Variants in NRG3 observed in about 807,000 individuals in gnomAD.
NRG3 encodes neuregulin 3, also known as pro-neuregulin-3, membrane-bound isoform.
Under a neutral mutation model 66.9 loss-of-function variants are expected in NRG3, and 31 were observed. The ratio of observed to expected loss-of-function variants is 0.46; its 90% CI spans 0.35 to 0.63. The LOEUF (loss-of-function observed/expected upper bound fraction) is 0.63, where lower values mean the gene tolerates loss of function less well. Ranked by LOEUF, NRG3 falls within the 20% of genes least tolerant of loss-of-function variation. NRG3 has a pLI of 0.00. For synonymous variants in NRG3, 393 were observed against 359.4 expected (o/e 1.09, Z -1.06); for missense variants, 910 against 878.9 (o/e 1.04, Z -0.45).
At chr10:81,976,112 A>T (rs2060116706) in intron 1 of NRG3, among the ~76,000 whole-genome samples, 2 of 152,218 alleles carry the variant, frequency 1.3e-5, no homozygotes, top group Admixed American at 1.3e-4. Flanking sequence ...TTAATTTACC[A>T]CTAAGTTTAT....
chr10:82,863,432 C>T (rs534126566), intron 3 of NRG3, among the ~76,000 whole-genome samples: 9 of 152,234 alleles, frequency 5.9e-5, no homozygotes, highest in African/African-American at 1.9e-4. Flanking sequence ...TGAGGAATCG[C>T]CACACTGCCT....
chr10:82,260,049 C>T (rs1235024346), intron 1 of NRG3, among the ~76,000 whole-genome samples: 2 of 152,180 alleles, frequency 1.3e-5, no homozygotes, highest in African/African-American at 4.8e-5. Context: ...TTTCTATTCC[C>T]TGTCCCACAA....
At chr10:82,504,318 T>C (rs143593761) in intron 2 of NRG3, among the ~76,000 whole-genome samples, 1,931 of 152,350 alleles carry the variant, frequency 0.013, 39 homozygotes, top group African/African-American at 0.044. Flanking sequence ...CACATTGTCA[T>C]GTATCACACT....
intron 1 of NRG3, among the ~76,000 whole-genome samples, chr10:82,240,729 A>G (rs1045895322): frequency 5.9e-5 from 9 of 152,180 alleles, no homozygotes; most frequent in African/African-American, 1.7e-4. Context: ...ATGGAATGGC[A>G]TTAGATCTTT....
At chr10:81,937,408 T>G (rs768144506) in intron 1 of NRG3, among the ~76,000 whole-genome samples, 4 of 152,152 alleles carry the variant, frequency 2.6e-5, no homozygotes, top group Non-Finnish European at 5.9e-5. Context: ...AGGGTTCCAA[T>G]TTCTCCACAT....
chr10:82,332,820 T>C (rs1017476359), intron 1 of NRG3, among the ~76,000 whole-genome samples: 4 of 152,144 alleles, frequency 2.6e-5, no homozygotes, highest in African/African-American at 4.8e-5. Flanking sequence ...ATACTTATGA[T>C]CCAAAATGAT....
intron 3 of NRG3, among the ~76,000 whole-genome samples, chr10:82,840,960 T>C (rs2063028062): frequency 6.6e-6 from 1 of 152,102 alleles, no homozygotes; most frequent in Non-Finnish European, 1.5e-5. Context: ...CGTAATGTAA[T>C]ATTACTTGAA....
At chr10:82,301,538 G>C (rs2080398829) in intron 1 of NRG3, among the ~76,000 whole-genome samples, 1 of 151,692 alleles carries the variant, frequency 6.6e-6, no homozygotes, top group South Asian at 2.1e-4. Flanking sequence ...ATCCTAGTAT[G>C]GTTTCTGTTT....
At chr10:82,735,149 T>TA (rs2058093416) in intron 2 of NRG3, among the ~76,000 whole-genome samples, 1 of 152,218 alleles carries the variant, frequency 6.6e-6, no homozygotes, top group Non-Finnish European at 1.5e-5. Flanking sequence ...GAGACTTTTT[T>TA]AAAAACAATT....
intron 2 of NRG3, among the ~76,000 whole-genome samples, chr10:82,369,819 A>G (rs187864778): frequency 1.4e-5 from 2 of 138,510 alleles, no homozygotes; most frequent in Admixed American, 1.4e-4. Flanking sequence ...TGTTATCCCC[A>G]CTTTGCAGAA....
intron 2 of NRG3, among the ~76,000 whole-genome samples, chr10:82,515,202 AAAAC>A (rs554032961): frequency 5.9e-4 from 90 of 152,324 alleles, no homozygotes; most frequent in Non-Finnish European, 1.1e-3. Flanking sequence ...TCAAAAGAAA[AAAAC>A]AAACAATGTA....
At chr10:82,613,295 T>A (rs1457066007) in intron 2 of NRG3, among the ~76,000 whole-genome samples, 1 of 152,088 alleles carries the variant, frequency 6.6e-6, no homozygotes, top group Non-Finnish European at 1.5e-5. Context: ...CTTCATATAA[T>A]GCATCTAATA....
In NRG3 at chr10:82,078,377, A is replaced by C. The variant is rs571870216; in HGVS notation, c.823+202214A>C. Among the ~76,000 whole-genome samples, 127 of 152,242 alleles carry C rather than the reference A, an allele frequency of 8.3e-4. 1 individual carries two copies. Among genetic ancestry groups the C allele is most frequent in the African/African-American group, 2.8e-3 (116 of 41,558 alleles). ...TATTATTGTTATTTTTCGAGACAGA[A>C]TCTTGCTCTGTCACCCAGGCTGGAG... On this transcript the variant is annotated intron_variant, in intron 1 of 8. Coordinates refer to ENST00000372141, the MANE Select transcript of NRG3 (RefSeq NM_001010848.4).
chr10:82,956,535 C>A (rs1178524857), intron 5 of NRG3, among the ~76,000 whole-genome samples: 6 of 151,848 alleles, frequency 4.0e-5, no homozygotes, highest in African/African-American at 1.5e-4. Flanking sequence ...TAAAGGTAAG[C>A]AAATTATAAA....
At chr10:81,977,247 A>T (rs916980338) in intron 1 of NRG3, among the ~76,000 whole-genome samples, 1 of 152,100 alleles carries the variant, frequency 6.6e-6, no homozygotes, top group African/African-American at 2.4e-5. Context: ...TCCATGTTGT[A>T]GGGTAGCTAT....
At chr10:82,304,131 T>C (rs966445421) in intron 1 of NRG3, among the ~76,000 whole-genome samples, 2 of 152,158 alleles carry the variant, frequency 1.3e-5, no homozygotes, top group Non-Finnish European at 2.9e-5. Flanking sequence ...CCACTAGAAA[T>C]ATATGGAAAT....
intron 1 of NRG3, among the ~76,000 whole-genome samples, chr10:82,282,434 C>T (rs777821703): frequency 1.2e-3 from 184 of 152,028 alleles, no homozygotes; most frequent in Non-Finnish European, 1.8e-3. Flanking sequence ...AGTAGTAGGT[C>T]ACCTGGAAGC....
intron 1 of NRG3, among the ~76,000 whole-genome samples, chr10:82,219,227 G>GCAATGCC (rs199849232): frequency 7.0e-6 from 1 of 142,444 alleles, no homozygotes; most frequent in African/African-American, 2.8e-5. Flanking sequence ...TGTTTTGTTT[G>GCAATGCC]GGTGTGGGCC....
intron 2 of NRG3, among the ~76,000 whole-genome samples, chr10:82,671,110 C>T (rs1215720480): frequency 6.6e-6 from 1 of 152,198 alleles, no homozygotes; most frequent in East Asian, 1.9e-4. Flanking sequence ...AGTCCATGCA[C>T]ATAGCTCCTC....
Sources: gnomAD v4.1 joint callset for allele counts (sites outside exome capture counted in the v4.1 genomes callset) on GRCh38, gnomAD v4.1.1 for gene constraint, MANE v1.5 for transcripts, NCBI Gene and HGNC (gene_info 2026-07-23, HGNC 2026-07-21) for gene names.